The following ESRRB variants were observed in gnomAD, a reference collection of about 807,000 sequenced individuals.
The protein encoded by ESRRB is steroid hormone receptor ERR2.
In ESRRB, 16 loss-of-function variants were observed where a neutral mutation model predicts 46.0. That is an observed-to-expected ratio of 0.35 (90% CI 0.24 to 0.53). The LOEUF (loss-of-function observed/expected upper bound fraction) is 0.53, where lower values mean the gene tolerates loss of function less well. Among genes scored for constraint, ESRRB ranks in the 20% least tolerant of loss-of-function variants. The pLI is 0.93. For missense variants in ESRRB, 488 were observed against 607.4 expected (o/e 0.80, Z 2.07); for synonymous variants, 246 against 259.6 (o/e 0.95, Z 0.50).
intron 5 of ESRRB, among the ~76,000 whole-genome samples, chr14:76,484,710 C>G (rs1204346050): frequency 1.3e-5 from 2 of 152,228 alleles, no homozygotes; most frequent in Non-Finnish European, 2.9e-5. Flanking sequence ...AGCTCCATCT[C>G]CCATCTGTGA....
intron 5 of ESRRB, among the ~76,000 whole-genome samples, chr14:76,487,985 GACTT>G (rs1458911545): frequency 1.3e-5 from 2 of 152,106 alleles, no homozygotes; most frequent in African/African-American, 4.8e-5. Flanking sequence ...TTATATTTAT[GACTT>G]ACTTTTATTT....
At chr14:76,336,125 G>A (rs1334921202) in intron 1 of ESRRB, among the ~76,000 whole-genome samples, 1 of 152,192 alleles carries the variant, frequency 6.6e-6, no homozygotes, top group African/African-American at 2.4e-5. Flanking sequence ...AGGTCAGAAA[G>A]ATCCCTTTTC....
At chr14:76,390,305 A>T (rs1295268398) in intron 1 of ESRRB, among the ~76,000 whole-genome samples, 5 of 152,166 alleles carry the variant, frequency 3.3e-5, no homozygotes, top group African/African-American at 1.2e-4. Context: ...CCTGGCCAAC[A>T]TGGTGAAACC....
intron 1 of ESRRB, among the ~76,000 whole-genome samples, chr14:76,343,250 C>T (rs1393167565): frequency 6.6e-6 from 1 of 152,206 alleles, no homozygotes; most frequent in Non-Finnish European, 1.5e-5. Flanking sequence ...GGGCCTTGTA[C>T]ATCCTGGCAA....
chr14:76,393,810 C>CT (rs1050376483), intron 1 of ESRRB, among the ~76,000 whole-genome samples: 10 of 151,766 alleles, frequency 6.6e-5, no homozygotes, highest in African/African-American at 1.2e-4. Context: ...ACCTTGGATT[C>CT]TTTTTTTTGA....
intron 1 of ESRRB, among the ~76,000 whole-genome samples, chr14:76,346,214 G>A (rs1884248190): frequency 6.6e-6 from 1 of 152,188 alleles, no homozygotes; most frequent in African/African-American, 2.4e-5. Context: ...CCAGTACATG[G>A]TCAGGGCTAA....
At chr14:76,379,293 C>T (rs1884908780) in intron 1 of ESRRB, among the ~76,000 whole-genome samples, 1 of 152,102 alleles carries the variant, frequency 6.6e-6, no homozygotes, top group African/African-American at 2.4e-5. Flanking sequence ...ACAAATGGGT[C>T]CATGACTGGA....
At chr14:76,337,841 G>A (rs1273174421) in intron 1 of ESRRB, among the ~76,000 whole-genome samples, 1 of 152,216 alleles carries the variant, frequency 6.6e-6, no homozygotes, top group Non-Finnish European at 1.5e-5. Flanking sequence ...TCAGGTAGGA[G>A]TCCCTGACAC....
chr14:76,363,147 G>A (rs1181572667), intron 1 of ESRRB, among the ~76,000 whole-genome samples: 2 of 152,320 alleles, frequency 1.3e-5, no homozygotes, highest in South Asian at 2.1e-4. Context: ...TGCATTGGTT[G>A]ATGTTGGAAG....
intron 3 of ESRRB, among the ~76,000 whole-genome samples, chr14:76,466,030 C>A (rs1889094377): frequency 6.6e-6 from 1 of 152,216 alleles, no homozygotes; most frequent in Admixed American, 6.5e-5. Flanking sequence ...GGGTGTCCCT[C>A]CTGGCTCTGC....
chr14:76,347,341 A>G (rs1189639309), intron 1 of ESRRB, among the ~76,000 whole-genome samples: 1 of 152,114 alleles, frequency 6.6e-6, no homozygotes, highest in Non-Finnish European at 1.5e-5. Context: ...TACTTATGCA[A>G]TCCTGAGCTG....
chr14:76,389,155 T>C (rs1311084941), intron 1 of ESRRB, among the ~76,000 whole-genome samples: 1 of 152,170 alleles, frequency 6.6e-6, no homozygotes, highest in Non-Finnish European at 1.5e-5. Context: ...TAGTCATTCT[T>C]GTATTGCTTC....
At chr14:76,475,004 G>T (rs1889520427) in intron 3 of ESRRB, among the ~76,000 whole-genome samples, 1 of 151,554 alleles carries the variant, frequency 6.6e-6, no homozygotes, top group Admixed American at 6.6e-5. Context: ...TGAGGCAGAA[G>T]GATCGCTTGA....
intron 1 of ESRRB, among the ~76,000 whole-genome samples, chr14:76,389,922 T>G (rs975474553): frequency 2.6e-5 from 4 of 152,212 alleles, no homozygotes; most frequent in African/African-American, 9.6e-5. Flanking sequence ...CATGCGATGC[T>G]GAGCTGCTGC....
In ESRRB at chr14:76,498,606, G is replaced by T; in HGVS notation, c.*148G>T. ...GGCGGGGGTTTCTCACCTCCTGGCTGTGTGCAGACTCCCGGGTGCAGTGGG... is the reference window on the plus strand; with the variant it reads ...GGCGGGGGTTTCTCACCTCCTGGCTTTGTGCAGACTCCCGGGTGCAGTGGG... On this transcript the variant is annotated 3_prime_UTR_variant, in exon 7 of 7. Coordinates refer to ENST00000644823, the MANE Select transcript of ESRRB (RefSeq NM_001379180.1). 2 of 1,377,722 alleles carry T rather than the reference G, an allele frequency of 1.5e-6. No homozygotes were observed. The highest frequency in any genetic ancestry group is 1.9e-6 in the Non-Finnish European group (2 of 1,041,192). The allele number at this position is 1,377,722 out of a possible 1,614,324, so 85.3% of individuals were successfully genotyped here.
chr14:76,356,633 C>T (rs1262465525), intron 1 of ESRRB, among the ~76,000 whole-genome samples: 2 of 152,204 alleles, frequency 1.3e-5, no homozygotes, highest in Non-Finnish European at 2.9e-5. Context: ...CATGTGTGCA[C>T]CCTCTTTTTA....
At chr14:76,451,745 G>A (rs1050379330) in intron 2 of ESRRB, among the ~76,000 whole-genome samples, 1 of 149,716 alleles carries the variant, frequency 6.7e-6, no homozygotes, top group African/African-American at 2.5e-5. Flanking sequence ...GCCTCAGCCT[G>A]CCCAGCAGCT....
At chr14:76,496,076 G>A (rs1890415580) in intron 6 of ESRRB, among the ~76,000 whole-genome samples, 1 of 152,196 alleles carries the variant, frequency 6.6e-6, no homozygotes, top group Non-Finnish European at 1.5e-5. Flanking sequence ...CTGTGAAATA[G>A]GGAGAACAGC....
intron 1 of ESRRB, among the ~76,000 whole-genome samples, chr14:76,318,714 C>A (rs1482027186): frequency 1.3e-5 from 2 of 152,212 alleles, no homozygotes; most frequent in Non-Finnish European, 2.9e-5. Context: ...AATAAACCCT[C>A]AAAGCCACTG....
Sources: gnomAD v4.1 joint callset for allele counts (sites outside exome capture counted in the v4.1 genomes callset) on GRCh38, gnomAD v4.1.1 for gene constraint, MANE v1.5 for transcripts, NCBI Gene and HGNC (gene_info 2026-07-23, HGNC 2026-07-21) for gene names.